SYTL3: variants seen among roughly 807,000 people sequenced by gnomAD.
The protein encoded by SYTL3 is synaptotagmin-like protein 3.
A neutral mutation model predicts 82.1 loss-of-function variants in SYTL3; 88 were observed. That is an observed-to-expected ratio of 1.07 (90% CI 0.90 to 1.28). The LOEUF is 1.28. Ranked by LOEUF, SYTL3 falls within the 50% of genes most tolerant of loss-of-function variation. The pLI, the probability that SYTL3 is intolerant of heterozygous loss-of-function variation, is 0.00. For missense variants in SYTL3, 831 were observed against 757.6 expected (o/e 1.10, Z -1.14); for synonymous variants, 311 against 289.4 (o/e 1.07, Z -0.76).
chr6:158,720,426 G>A (rs1275380978), intron 10 of SYTL3, among the ~76,000 whole-genome samples: 13 of 90,904 alleles, frequency 1.4e-4, no homozygotes, highest in South Asian at 4.0e-4. Context: ...AAAAAAAAAA[G>A]CCTGAGTTTT....
chr6:158,715,618 C>A (rs1783294484), intron 9 of SYTL3, among the ~76,000 whole-genome samples: 1 of 142,672 alleles, frequency 7.0e-6, no homozygotes, highest in African/African-American at 2.7e-5. Context: ...CACACACACG[C>A]ACGCACCCAG....
chr6:158,707,199 A>G (rs1199142543), intron 6 of SYTL3, 31 bp from the exon 7 acceptor site: 1 of 1,610,598 alleles, frequency 6.2e-7, no homozygotes, highest in Non-Finnish European at 8.5e-7. Flanking sequence ...TATTCTTAAT[A>G]ATAAACGCCC....
intron 2 of SYTL3, among the ~76,000 whole-genome samples, chr6:158,655,656 A>G (rs1274078141): frequency 6.6e-6 from 1 of 152,240 alleles, no homozygotes; most frequent in African/African-American, 2.4e-5. Flanking sequence ...AGCCGGCATT[A>G]GCTGAGTGTA....
chr6:158,726,263 TG>T, intron 11 of SYTL3: 1 of 443,436 alleles, frequency 2.3e-6, no homozygotes, highest in Non-Finnish European at 4.4e-6. Context: ...AGGAGTCTCT[TG>T]GGTAAAGATC....
intron 5 of SYTL3, among the ~76,000 whole-genome samples, chr6:158,666,835 G>A (rs1406000070): frequency 6.6e-6 from 1 of 152,214 alleles, no homozygotes; most frequent in Non-Finnish European, 1.5e-5. Flanking sequence ...GAGAGGTGAA[G>A]TGGTTCAACC....
At chr6:158,762,844 G>A (rs951019381) in intron 16 of SYTL3, among the ~76,000 whole-genome samples, 2 of 152,156 alleles carry the variant, frequency 1.3e-5, no homozygotes, top group African/African-American at 4.8e-5. Flanking sequence ...TTGAACTTGG[G>A]GGGAGGAGGT....
intron 2 of SYTL3, among the ~76,000 whole-genome samples, chr6:158,660,505 T>C (rs996068699): frequency 3.3e-5 from 5 of 152,170 alleles, no homozygotes; most frequent in African/African-American, 1.2e-4. Context: ...AAAGTAAGTG[T>C]AGTGCTTTGT....
chr6:158,679,023 G>A (rs1778363120), intron 5 of SYTL3, among the ~76,000 whole-genome samples: 1 of 152,100 alleles, frequency 6.6e-6, no homozygotes. Context: ...GAGACTACAG[G>A]ATCTATCACC....
intron 9 of SYTL3, among the ~76,000 whole-genome samples, chr6:158,714,665 A>G (rs1488157968): frequency 6.6e-6 from 1 of 152,206 alleles, no homozygotes; most frequent in East Asian, 1.9e-4. Context: ...TAAGATGCCC[A>G]GGGCTGGTCA....
chr6:158,660,248 G>A (rs1002543974), intron 2 of SYTL3, among the ~76,000 whole-genome samples: 2 of 152,122 alleles, frequency 1.3e-5, no homozygotes, highest in African/African-American at 4.8e-5. Context: ...CTGGACAACA[G>A]AGCAATACTC....
chr6:158,734,966 A>T (rs2129209), intron 11 of SYTL3, among the ~76,000 whole-genome samples: 1 of 152,044 alleles, frequency 6.6e-6, no homozygotes, highest in South Asian at 2.1e-4. Flanking sequence ...CGACTTGCTG[A>T]GGTCCTGAGA....
chr6:158,683,196 T>G (rs1778914303), intron 6 of SYTL3, among the ~76,000 whole-genome samples: 1 of 146,978 alleles, frequency 6.8e-6, no homozygotes, highest in South Asian at 2.2e-4. Context: ...CATTTCTACC[T>G]CTGAGGTTGG....
intron 13 of SYTL3, among the ~76,000 whole-genome samples, chr6:158,755,101 G>C (rs1788898851): frequency 6.6e-6 from 1 of 152,208 alleles, no homozygotes; most frequent in Non-Finnish European, 1.5e-5. Flanking sequence ...CCAGAACTTT[G>C]AGAGGCTGAG....
At chr6:158,759,095 A>G (rs146255136) in intron 14 of SYTL3, among the ~76,000 whole-genome samples, 23 of 152,314 alleles carry the variant, frequency 1.5e-4, no homozygotes, top group African/African-American at 4.8e-4. Flanking sequence ...CACCTCTGTC[A>G]TCAGCTCGAA....
intron 10 of SYTL3, among the ~76,000 whole-genome samples, chr6:158,719,336 C>G (rs1475328503): frequency 6.6e-6 from 1 of 152,066 alleles, no homozygotes; most frequent in Non-Finnish European, 1.5e-5. Flanking sequence ...GGTTGTATAG[C>G]CAAAAGAGGA....
Position 158,763,406 on chromosome 6 carries a change from A to G in SYTL3, c.1620A>G (p.Val540=). Residue 540 remains valine (V), a synonymous_variant, in exon 17 of 18, where the codon GTA becomes GTG. Coordinates refer to ENST00000611299, the MANE Select transcript of SYTL3 (RefSeq NM_001242394.2). ...QWKHSFVFSG[V]TPAQLRQSSL... is the part of the protein sequence containing the mutation. ...AACACTCATTTGTCTTCAGTGGCGTAACCCCAGCTCAGCTGAGGCAGTCAA... is the reference window on the plus strand; with the variant it reads ...AACACTCATTTGTCTTCAGTGGCGTGACCCCAGCTCAGCTGAGGCAGTCAA... The G allele has an allele frequency of 6.2e-7, 1 of 1,614,224 alleles. No individual in the cohort carries two copies. Among genetic ancestry groups the G allele is most frequent in the Non-Finnish European group, 8.5e-7 (1 of 1,180,036 alleles).
chr6:158,737,375 A>G (rs552001108), intron 11 of SYTL3, among the ~76,000 whole-genome samples: 1 of 152,336 alleles, frequency 6.6e-6, no homozygotes, highest in East Asian at 1.9e-4. Flanking sequence ...GTGTGTTCTT[A>G]TCAGGATTTA....
At chr6:158,683,215 C>CT (rs35183958) in intron 6 of SYTL3, among the ~76,000 whole-genome samples, 6,401 of 91,912 alleles carry the variant, frequency 0.07, 272 homozygotes, top group African/African-American at 0.14. Context: ...GGCCCTATTC[C>CT]TTTTTTTTTT....
At position 158,751,936 on chromosome 6, in the gene SYTL3, A is replaced by AG; in HGVS notation, c.1044dup (p.Thr349AspfsTer73). The AG allele has an allele frequency of 6.3e-7, 1 of 1,596,534 alleles. No homozygotes were observed. The highest frequency in any genetic ancestry group is 8.5e-7 in the Non-Finnish European group (1 of 1,171,938). On this transcript the variant is annotated frameshift_variant, in exon 13 of 18. Transcript: ENST00000611299. LOFTEE classifies it high-confidence loss of function. ...CTGTGTTTGGCCCCTAGGTATGTGA[A>AG]GACCTACCTGTTGCCCGACAGATCC...
Sources: gnomAD v4.1 joint callset for allele counts (sites outside exome capture counted in the v4.1 genomes callset) on GRCh38, gnomAD v4.1.1 for gene constraint, MANE v1.5 for transcripts, NCBI Gene and HGNC (gene_info 2026-07-23, HGNC 2026-07-21) for gene names.